Variants in CEP126 observed in about 807,000 individuals in gnomAD.
CEP126 encodes centrosomal protein of 126 kDa.
CEP126 carries 74 observed loss-of-function variants against 107.8 expected under a neutral mutation model. That is an observed-to-expected ratio of 0.69 (90% CI 0.57 to 0.83). CEP126 has a LOEUF of 0.83. CEP126 is among the 40% of genes least tolerant of loss of function. CEP126 has a pLI of 0.00. For synonymous variants in CEP126, 449 were observed against 446.0 expected, an observed-to-expected ratio of 1.01 and a Z score of -0.08; for missense variants, 1,237 against 1,281.9, an observed-to-expected ratio of 0.96 and a Z score of 0.53.
At chr11:101,976,009 C>A (rs1941188486) in intron 6 of CEP126, among the ~76,000 whole-genome samples, 1 of 152,176 alleles carries the variant, frequency 6.6e-6, no homozygotes, top group African/African-American at 2.4e-5. Flanking sequence ...GATTCCATGT[C>A]TTTGCTGTTG....
intron 2 of CEP126, among the ~76,000 whole-genome samples, chr11:101,923,432 T>A (rs1418193031): frequency 6.6e-6 from 1 of 152,212 alleles, no homozygotes; most frequent in African/African-American, 2.4e-5. Flanking sequence ...AGTTATGCCA[T>A]TTTTTAATTG....
At chr11:101,977,088 A>G (rs1406206316) in intron 6 of CEP126, among the ~76,000 whole-genome samples, 3 of 152,198 alleles carry the variant, frequency 2.0e-5, no homozygotes, top group East Asian at 1.9e-4. Context: ...AAATTTGTAT[A>G]TCACTAGCTA....
intron 6 of CEP126, among the ~76,000 whole-genome samples, chr11:101,971,571 T>TG (rs1358761310): frequency 1.3e-5 from 2 of 149,920 alleles, no homozygotes; most frequent in Non-Finnish European, 3.0e-5. Context: ...TTTGTTTGTT[T>TG]TTTTAGGTGG....
rs1013574708 is a variant in CEP126, at chr11:101,963,343, A to G, written c.2308A>G (p.Ile770Val). The G allele has an allele frequency of 1.2e-6, 2 of 1,614,146 alleles. No individual in the cohort carries two copies. Among genetic ancestry groups the G allele is most frequent in the Non-Finnish European group, 1.7e-6 (2 of 1,180,020 alleles). The change falls in exon 6 of 11, where the codon ATA becomes GTA. Residue 770 changes from isoleucine to valine, a missense_variant. Ile to Val is a conservative substitution (Grantham distance 29). This residue lies in a region of CEP126 where 1,134 missense variants were observed against 1,150.5 expected (regional missense o/e 0.99). Transcript: ENST00000263468. ...PGSAKVQSGF[I>V]CTNRKGAVIQ... ...ATCTGCAAAAGTCCAATCAGGCTTT[A>G]TATGTACAAACAGAAAAGGCGCTGT...
intron 9 of CEP126, among the ~76,000 whole-genome samples, chr11:101,991,092 C>G (rs2137135033): frequency 6.6e-6 from 1 of 152,172 alleles, no homozygotes; most frequent in East Asian, 1.9e-4. Flanking sequence ...GGGAGGATAA[C>G]CTGAGCCCAG....
At chr11:101,952,208 C>T (rs1940822725) in intron 4 of CEP126, among the ~76,000 whole-genome samples, 1 of 152,084 alleles carries the variant, frequency 6.6e-6, no homozygotes, top group Admixed American at 6.6e-5. Context: ...CTACAAGTAG[C>T]ACAATTTGGC....
intron 6 of CEP126, among the ~76,000 whole-genome samples, chr11:101,964,739 T>G (rs1455081287): frequency 6.6e-6 from 1 of 152,132 alleles, no homozygotes; most frequent in African/African-American, 2.4e-5. Flanking sequence ...TTTGCCAGCC[T>G]CCATTTTTTT....
intron 2 of CEP126, among the ~76,000 whole-genome samples, chr11:101,939,721 T>C (rs1442039812): frequency 6.6e-6 from 1 of 152,238 alleles, no homozygotes; most frequent in Non-Finnish European, 1.5e-5. Context: ...AAAGGTTTAG[T>C]GTCTTCTTTG....
chr11:101,977,555 C>T (rs1326499437), intron 6 of CEP126, among the ~76,000 whole-genome samples: 2 of 145,478 alleles, frequency 1.4e-5, no homozygotes, highest in Admixed American at 7.1e-5. Flanking sequence ...CACCTGATCC[C>T]GGGAGGCAGA....
Position 101,944,356 on chromosome 11 carries a change from G to A in CEP126, c.340G>A (p.Val114Ile). The A allele has an allele frequency of 6.2e-7, 1 of 1,612,014 alleles. No individual in the cohort carries two copies. Among genetic ancestry groups the A allele is most frequent in the Non-Finnish European group, 8.5e-7 (1 of 1,179,246 alleles). The change falls in exon 3 of 11, where the codon GTT (valine) becomes ATT (isoleucine). Residue 114 changes from valine to isoleucine, a missense_variant. By Grantham distance (29) the Val-to-Ile change is conservative. Transcript: ENST00000263468. Reference protein sequence around the residue: ...LQQRKQKFEEVTEKFQRAHVP... With the variant: ...LQQRKQKFEEITEKFQRAHVP... ...ACAAAGAAAACAGAAGTTTGAAGAA[G>A]TTACTGAAAAATTCCAGCGTGCCCA...
chr11:101,955,918 T>C (rs1168538100), intron 4 of CEP126: 1 of 456,428 alleles, frequency 2.2e-6, no homozygotes, highest in Non-Finnish European at 4.4e-6. Flanking sequence ...CTGTTTCTCC[T>C]GCCCGCCAGC....
At chr11:101,978,086 A>G (rs961424049) in intron 6 of CEP126, among the ~76,000 whole-genome samples, 3 of 152,198 alleles carry the variant, frequency 2.0e-5, no homozygotes, top group African/African-American at 7.2e-5. Flanking sequence ...ATCTTACACA[A>G]TCTTCTGGTG....
chr11:101,993,761 A>G (rs1476714095), intron 10 of CEP126, among the ~76,000 whole-genome samples: 1 of 152,088 alleles, frequency 6.6e-6, no homozygotes, highest in East Asian at 1.9e-4. Flanking sequence ...CTGGTGTAAG[A>G]TGTTATCTCA....
In CEP126 at chr11:101,961,902, A is replaced by G. The variant is rs1940977629; in HGVS notation, c.867A>G (p.Gln289=). 3 of 1,613,186 alleles carry G rather than the reference A, an allele frequency of 1.9e-6. No individual in the cohort carries two copies. Among genetic ancestry groups the G allele is most frequent in the Non-Finnish European group, 2.5e-6 (3 of 1,179,512 alleles). Residue 289 remains glutamine, a synonymous_variant, in exon 6 of 11, where the codon CAA becomes CAG. Transcript: ENST00000263468. The part of the protein sequence containing the change: ...NTISLKPANM[Q]STNLSCFDED... ...TTTCCCTCAAACCAGCAAATATGCA[A>G]TCAACTAATCTCAGCTGCTTTGATG...
At chr11:101,992,280 A>C (rs1042460872) in intron 9 of CEP126, among the ~76,000 whole-genome samples, 2 of 152,108 alleles carry the variant, frequency 1.3e-5, no homozygotes, top group African/African-American at 4.8e-5. Flanking sequence ...TTTTTGTTTG[A>C]TACTTCTACA....
intron 2 of CEP126, among the ~76,000 whole-genome samples, chr11:101,936,312 T>G (rs1157603666): frequency 6.6e-6 from 1 of 152,160 alleles, no homozygotes; most frequent in Non-Finnish European, 1.5e-5. Flanking sequence ...TCCTAAATAT[T>G]TTGTATTTTG....
chr11:101,963,934 C>A, intron 6 of CEP126, 54 bp downstream of exon 6: 1 of 1,196,822 alleles, frequency 8.4e-7, no homozygotes, highest in South Asian at 1.5e-5. Flanking sequence ...TTGTTAAAGT[C>A]ATGTGAAATT....
chr11:101,922,799 A>T, intron 2 of CEP126, 39 bp downstream of exon 2: 4 of 1,538,190 alleles, frequency 2.6e-6, no homozygotes, highest in Non-Finnish European at 3.6e-6. Flanking sequence ...TAGAAATTCA[A>T]AGTCAATATA....
chr11:101,923,217 G>A (rs1417310945), intron 2 of CEP126, among the ~76,000 whole-genome samples: 1 of 151,856 alleles, frequency 6.6e-6, no homozygotes, highest in Non-Finnish European at 1.5e-5. Flanking sequence ...TATGAATAAT[G>A]GTATAAAAAT....
Sources: gnomAD v4.1 joint callset for allele counts (sites outside exome capture counted in the v4.1 genomes callset) on GRCh38, gnomAD v4.1.1 for gene constraint, gnomAD v4.1.1 regional missense constraint, MANE v1.5 for transcripts, NCBI Gene and HGNC (gene_info 2026-07-23, HGNC 2026-07-21) for gene names.